Variants in NEB observed in about 807,000 individuals in gnomAD.
The protein encoded by NEB is nemaline myopathy type 2.
A neutral mutation model predicts 952.2 loss-of-function variants in NEB; 512 were observed. The observed-to-expected ratio is 0.54, with a 90% CI of 0.50 to 0.58. The LOEUF (loss-of-function observed/expected upper bound fraction) is 0.58. Among genes scored for constraint, NEB ranks in the 20% least tolerant of loss-of-function variants. The probability of loss-of-function intolerance (pLI) is 0.00; values close to 1 mark genes in which losing one functional copy is unlikely to be tolerated. For synonymous variants in NEB, 2,900 were observed against 3,149.8 expected (o/e 0.92, Z 2.66); for missense variants, 8,428 against 9,231.1 (o/e 0.91, Z 3.56).
intron 65 of NEB, among the ~76,000 whole-genome samples, chr2:151,633,200 G>A (rs1160609942): frequency 6.6e-6 from 1 of 152,170 alleles, no homozygotes; most frequent in East Asian, 1.9e-4. Context: ...CAGGCTAAGA[G>A]GAAGTGTCTG....
chr2:151,612,230 G>C lies in NEB; in HGVS notation c.11761C>G (p.Pro3921Ala). The C allele has an allele frequency of 6.2e-7, 1 of 1,613,856 alleles. No individual in the cohort carries two copies. Among genetic ancestry groups the C allele is most frequent in the Non-Finnish European group, 8.5e-7 (1 of 1,179,822 alleles). ...TTATTCTTTGCTAGGACAATTTCCG[G>C]AGTGTCGGTAATGCATGTGAATTTG... is the stretch of plus-strand genomic sequence containing the variant. ...QLKFTCITDT[P>A]EIVLAKNNAL... The change falls in exon 78 of 182, where the codon CCG (proline) becomes GCG (alanine). Residue 3921 changes from proline to alanine, a missense_variant. Physicochemically the swap from Pro to Ala is conservative, Grantham distance 27. Around this residue, in one of 11 missense-constraint regions of NEB, gnomAD observed 337 missense variants for 297.5 expected, o/e 1.13. Transcript: ENST00000397345.
rs2154022652 is a variant in NEB at position 151,619,673 on chromosome 2, G to A, written c.10650C>T (p.Leu3550=). ...GGTCACTCTGCACTTTGGCAATGTG[G>A]AGGGACCACATTATCTTGGGGTCAT... ...VHDDPKIMWS[L]HIAKVQSDRE... The change falls in exon 73 of 182, where the codon CTC becomes CTT. Residue 3550 remains leucine (L), a synonymous_variant. Coordinates refer to ENST00000397345, the MANE Select transcript of NEB (RefSeq NM_001164508.2). 2 of 1,613,974 alleles carry A rather than the reference G, an allele frequency of 1.2e-6. No individual in the cohort carries two copies. The highest frequency in any genetic ancestry group is 1.7e-6 in the Non-Finnish European group (2 of 1,179,878).
At chr2:151,512,193 G>A (rs1019145478) in intron 161 of NEB, among the ~76,000 whole-genome samples, 13 of 151,776 alleles carry the variant, frequency 8.6e-5, no homozygotes, top group African/African-American at 3.1e-4. Flanking sequence ...ACCACGCCCG[G>A]CTAATTTTTG....
Position 151,727,791 on chromosome 2 carries a change from G to A in NEB, c.194C>T (p.Pro65Leu), listed in dbSNP as rs375909006. 237 of 1,613,694 alleles carry A rather than the reference G, an allele frequency of 1.5e-4. 3 individuals carry two copies. In the Middle Eastern group the frequency reaches 0.01, roughly 70 times the overall value. Residue 65 changes from proline to leucine, a missense_variant, in exon 5 of 182, where the codon CCG becomes CTG. By Grantham distance (98) the Pro-to-Leu change is moderately conservative (BLOSUM62 -3). This residue lies in a region of NEB where 2,851 missense variants were observed against 2,791.5 expected (regional missense o/e 1.02). Transcript: ENST00000397345. The part of the protein sequence containing the change: ...PALAQPASAK[P>L]VERRKVIRKK... ...CCGGATGACCTTCCTCCTCTCCACC[G>A]GCTTTGCTGATGCTGGCTGTGCCAG...
chr2:151,679,935 C>A lies in NEB; in HGVS notation c.3130G>T (p.Ala1044Ser). The change falls in exon 31 of 182, where the codon GCC becomes TCC. Residue 1044 changes from alanine (A) to serine (S), a missense_variant. Around this residue, in one of 11 missense-constraint regions of NEB, gnomAD observed 2,851 missense variants for 2,791.5 expected, o/e 1.02. Transcript: ENST00000397345. ...LPQFIQAKVN[A>S]YNISENMYKA... Reference sequence around the variant, plus strand: ...CCACGCACCTCACTGATATTGTAGGCATTAACTTTAGCCTGGATGAACTGG... The same window carrying A: ...CCACGCACCTCACTGATATTGTAGGAATTAACTTTAGCCTGGATGAACTGG... The A allele has an allele frequency of 1.2e-6, 2 of 1,613,238 alleles. No homozygotes were observed. Among genetic ancestry groups the A allele is most frequent in the Non-Finnish European group, 1.7e-6 (2 of 1,179,168 alleles).
chr2:151,644,209 A>C, intron 56 of NEB, 80 bp from the exon 57 acceptor site: 1 of 1,529,892 alleles, frequency 6.5e-7, no homozygotes, highest in Non-Finnish European at 8.9e-7. Flanking sequence ...AAGCGCATTA[A>C]CTCTAAATAT....
At chr2:151,668,338 C>G (rs1347813069) in intron 39 of NEB, among the ~76,000 whole-genome samples, 11 of 152,062 alleles carry the variant, frequency 7.2e-5, no homozygotes, top group Non-Finnish European at 1.6e-4. Context: ...AGATGTAGTA[C>G]AACTCAGCTT....
At chr2:151,717,562 T>C (rs373264501) in intron 9 of NEB, 42 bp from the exon 10 acceptor site, 90 of 1,392,926 alleles carry the variant, frequency 6.5e-5, no homozygotes, top group Non-Finnish European at 8.1e-5. Flanking sequence ...AAAACGATTA[T>C]GCTTTCATCT....
intron 178 of NEB, 65 bp from the exon 179 acceptor site, chr2:151,491,840 G>A: frequency 7.5e-7 from 1 of 1,329,380 alleles, no homozygotes; most frequent in Non-Finnish European, 1.0e-6. Context: ...GAAAACCAAG[G>A]CATGAATTTT....
At position 151,568,627 on chromosome 2, in the gene NEB, G is replaced by A. The variant is rs2153746479; in HGVS notation, c.17625C>T (p.Ile5875=). 1 of 1,606,202 alleles carries A rather than the reference G, an allele frequency of 6.2e-7. No individual in the cohort carries two copies. The highest frequency in any genetic ancestry group is 2.2e-5 in the East Asian group (1 of 44,700). Residue 5875 remains isoleucine, a synonymous_variant, in exon 111 of 182, where the codon ATC becomes ATT. Coordinates refer to ENST00000397345, the MANE Select transcript of NEB (RefSeq NM_001164508.2). The part of the protein sequence containing the change: ...DYVTAKQSGE[I]LDDIKYRKDW... ...ACAGCCATATACTTACATCATCGAGGATCTCGCCACTTTGTTTCGCTGTCA... is the reference window on the plus strand; with the variant it reads ...ACAGCCATATACTTACATCATCGAGAATCTCGCCACTTTGTTTCGCTGTCA...
intron 117 of NEB, among the ~76,000 whole-genome samples, chr2:151,564,433 G>A (rs773518992): frequency 6.6e-6 from 1 of 152,150 alleles, no homozygotes; most frequent in Non-Finnish European, 1.5e-5. Flanking sequence ...GATTATAGGC[G>A]TGAGCCACCA....
chr2:151,547,539 G>GAA lies in NEB; in HGVS notation c.20263-8_20263-7dup. ...AAGTCTGATTTGTAGATCAACTAAA[G>GAA]AAAAAAAAATACCCCAAAACATATG... is the stretch of plus-strand genomic sequence containing the variant. On this transcript the variant is annotated splice_region_variant and splice_polypyrimidine_tract_variant and intron_variant, in intron 132 of 181. Transcript: ENST00000397345. The GAA allele has an allele frequency of 6.3e-7, 1 of 1,582,166 alleles. No homozygotes were observed. The highest frequency in any genetic ancestry group is 8.6e-7 in the Non-Finnish European group (1 of 1,158,920).
intron 8 of NEB, among the ~76,000 whole-genome samples, chr2:151,723,752 T>G (rs868590749): frequency 0.028 from 3,463 of 123,982 alleles, 67 homozygotes; most frequent in African/African-American, 0.081. Flanking sequence ...CCTTCTTTGT[T>G]TTTTTTTTTT....
intron 161 of NEB, among the ~76,000 whole-genome samples, chr2:151,510,430 TCAAA>T (rs202068501): frequency 6.6e-6 from 1 of 152,258 alleles, no homozygotes; most frequent in South Asian, 2.1e-4. Context: ...CATTTAGTAC[TCAAA>T]CAGTTGTTAG....
intron 129 of NEB, among the ~76,000 whole-genome samples, chr2:151,550,980 T>TATC (rs1421520158): frequency 6.7e-6 from 1 of 149,098 alleles, no homozygotes; most frequent in Non-Finnish European, 1.5e-5. Flanking sequence ...TTATTATTAT[T>TATC]ATTTGAAACG....
chr2:151,504,991 C>G (rs1222360571), intron 165 of NEB, among the ~76,000 whole-genome samples: 1 of 152,070 alleles, frequency 6.6e-6, no homozygotes, highest in African/African-American at 2.4e-5. Flanking sequence ...GAAGAGACTT[C>G]ACATGTCTAC....
At chr2:151,726,699 C>G (rs1009825123) in intron 5 of NEB, among the ~76,000 whole-genome samples, 1 of 152,068 alleles carries the variant, frequency 6.6e-6, no homozygotes, top group Non-Finnish European at 1.5e-5. Flanking sequence ...AACCTGGGTA[C>G]ACATTAGAAT....
Position 151,537,073 on chromosome 2 carries a change from C to A in NEB, c.21207+59G>T, listed in dbSNP as rs536145124. 5.7e-6 allele frequency: 6 copies of A among 1,050,216 alleles called. No individual in the cohort carries two copies. In the South Asian group the frequency reaches 7.3e-5, roughly 13 times the overall value. The allele number at this position is 1,050,216 out of a possible 1,614,324, so 65.1% of individuals were successfully genotyped here. On this transcript the variant is annotated intron_variant, in intron 141 of 181. Coordinates refer to ENST00000397345, the MANE Select transcript of NEB (RefSeq NM_001164508.2). ...GAAAGACTATTTCTCAGTGCTAATT[C>A]TCTCTGGGTACAGGTATATGTCGAA...
intron 13 of NEB, among the ~76,000 whole-genome samples, chr2:151,702,906 C>T (rs551196688): frequency 4.1e-4 from 63 of 151,920 alleles, no homozygotes; most frequent in African/African-American, 1.3e-3. Flanking sequence ...TTGATCCTGT[C>T]ATTATGATGT....
Sources: allele counts gnomAD v4.1 joint callset (sites outside exome capture counted in the v4.1 genomes callset), GRCh38; gene constraint gnomAD v4.1.1; regional missense constraint gnomAD v4.1.1; transcripts MANE v1.5; gene names NCBI Gene and HGNC (gene_info 2026-07-23, HGNC 2026-07-21).